The following PRKCB variants were observed in gnomAD, a reference collection of about 807,000 sequenced individuals.
PRKCB encodes the protein protein kinase C beta.
In PRKCB, 13 loss-of-function variants were observed where a neutral mutation model predicts 81.5. The ratio of observed to expected loss-of-function variants is 0.16; its 90% CI spans 0.10 to 0.25. The LOEUF is 0.25. PRKCB is among the 10% of genes least tolerant of loss of function. PRKCB has a pLI of 1.00. For synonymous variants in PRKCB, 335 were observed against 321.4 expected (o/e 1.04, Z -0.45); for missense variants, 509 against 875.7 (o/e 0.58, Z 5.29).
intron 2 of PRKCB, among the ~76,000 whole-genome samples, chr16:23,967,311 C>G (rs893901828): frequency 2.0e-5 from 3 of 152,324 alleles, no homozygotes; most frequent in Non-Finnish European, 4.4e-5. Context: ...TCCCAGCCCC[C>G]TGACAGCAGA....
intron 5 of PRKCB, among the ~76,000 whole-genome samples, chr16:24,076,001 T>C (rs1234838031): frequency 6.6e-6 from 1 of 152,244 alleles, no homozygotes; most frequent in Non-Finnish European, 1.5e-5. Context: ...TGCAGGTTTG[T>C]TACCTATGTA....
At chr16:23,962,006 G>A (rs1335315861) in intron 2 of PRKCB, among the ~76,000 whole-genome samples, 1 of 152,112 alleles carries the variant, frequency 6.6e-6, no homozygotes, top group Admixed American at 6.6e-5. Flanking sequence ...GTCACATGAG[G>A]GGATGGGTAC....
chr16:24,076,674 T>G (rs1464040874), intron 5 of PRKCB, among the ~76,000 whole-genome samples: 1 of 152,188 alleles, frequency 6.6e-6, no homozygotes, highest in East Asian at 1.9e-4. Flanking sequence ...ACGTATTACC[T>G]TGCTACAAGT....
At chr16:23,882,242 G>A (rs117583922) in intron 2 of PRKCB, among the ~76,000 whole-genome samples, 1 of 151,368 alleles carries the variant, frequency 6.6e-6, no homozygotes, top group Non-Finnish European at 1.5e-5. Context: ...ACCATGCCCG[G>A]TTAATTTTTT....
chr16:24,099,220 A>G (rs1567373744), intron 7 of PRKCB: 1 of 152,210 alleles, frequency 6.6e-6, no homozygotes, highest in Non-Finnish European at 1.5e-5. Flanking sequence ...AGAAAAAATA[A>G]AGCTTATTTC....
intron 2 of PRKCB, among the ~76,000 whole-genome samples, chr16:23,905,623 T>A (rs1336988671): frequency 1.3e-5 from 2 of 152,228 alleles, no homozygotes; most frequent in Non-Finnish European, 2.9e-5. Context: ...CCAGAGAGTC[T>A]CCTAGAACCA....
chr16:24,096,716 T>G, intron 7 of PRKCB, among the ~76,000 whole-genome samples: 1 of 138,666 alleles, frequency 7.2e-6, no homozygotes. Flanking sequence ...TCCTCCAATG[T>G]TACCAACAGA....
rs35642171 is a variant in PRKCB at position 24,048,494 on chromosome 16, C to CTT, written c.529+12960_529+12961dup. Among the ~76,000 whole-genome samples the CTT allele has an allele frequency of 2.0e-3, 294 of 145,014 alleles. 3 individuals are homozygous for CTT. The highest frequency in any genetic ancestry group is 8.9e-4 in the Non-Finnish European group (59 of 66,006). On this transcript the variant is annotated intron_variant, in intron 5 of 16. Coordinates refer to ENST00000643927, the MANE Select transcript of PRKCB (RefSeq NM_002738.7). ...TTTACTTCTTTCTTTTCTTTTCTTT[C>CTT]TTTTTTTTTTTTTTATAACAGAGTC... is the stretch of plus-strand genomic sequence containing the variant.
chr16:24,105,610 A>G (rs1966566283), intron 7 of PRKCB, among the ~76,000 whole-genome samples: 1 of 152,036 alleles, frequency 6.6e-6, no homozygotes, highest in African/African-American at 2.4e-5. Context: ...TCAACTTATG[A>G]GTGAGAACAT....
chr16:23,915,129 G>C (rs1358342442), intron 2 of PRKCB, among the ~76,000 whole-genome samples: 1 of 152,158 alleles, frequency 6.6e-6, no homozygotes, highest in Non-Finnish European at 1.5e-5. Flanking sequence ...GTTAGCCCCT[G>C]ATCTCTGGGG....
intron 2 of PRKCB, among the ~76,000 whole-genome samples, chr16:23,918,254 A>G (rs538655799): frequency 6.6e-6 from 1 of 152,252 alleles, no homozygotes; most frequent in South Asian, 2.1e-4. Context: ...AAGACATAGG[A>G]AATAATGGTC....
At chr16:23,896,641 G>A (rs556906837) in intron 2 of PRKCB, among the ~76,000 whole-genome samples, 1 of 152,294 alleles carries the variant, frequency 6.6e-6, no homozygotes, top group Admixed American at 6.5e-5. Context: ...GGCATTAGCT[G>A]TGTGAAGAGA....
At chr16:23,913,088 A>G (rs1223732382) in intron 2 of PRKCB, among the ~76,000 whole-genome samples, 2 of 152,112 alleles carry the variant, frequency 1.3e-5, no homozygotes, top group African/African-American at 4.8e-5. Context: ...GGCAAATCAG[A>G]TTGTTTCACA....
chr16:23,928,970 G>A (rs934035140), intron 2 of PRKCB, among the ~76,000 whole-genome samples: 2 of 152,024 alleles, frequency 1.3e-5, no homozygotes, highest in Non-Finnish European at 2.9e-5. Flanking sequence ...GCCCGCCTCG[G>A]CATCCCAAAG....
At chr16:24,077,434 A>G (rs1428516059) in intron 5 of PRKCB, among the ~76,000 whole-genome samples, 1 of 143,142 alleles carries the variant, frequency 7.0e-6, no homozygotes, top group Non-Finnish European at 1.5e-5. Context: ...CATCCATCCA[A>G]TCCATACATT....
rs149855710 is a variant in PRKCB at position 24,191,290 on chromosome 16, C to A, written c.1863+60C>A. The A allele has an allele frequency of 5.6e-6, 9 of 1,595,294 alleles. No individual in the cohort carries two copies. The East Asian group carries it at 1.8e-4, about 32-fold the overall frequency. On this transcript the variant is annotated intron_variant, in intron 16 of 16. Transcript: ENST00000643927. Reference sequence around the variant, plus strand: ...CACACACAAGGTATTCTTGCCTGTGCCTCATGTTTTCCAAATGCTCCCTGA... The same window carrying A: ...CACACACAAGGTATTCTTGCCTGTGACTCATGTTTTCCAAATGCTCCCTGA...
intron 13 of PRKCB, among the ~76,000 whole-genome samples, chr16:24,184,905 T>C (rs1302066060): frequency 6.6e-6 from 1 of 152,224 alleles, no homozygotes; most frequent in Non-Finnish European, 1.5e-5. Flanking sequence ...ACACCTTACT[T>C]AGTGCTTCGA....
chr16:24,105,147 C>T (rs978338686), intron 7 of PRKCB, among the ~76,000 whole-genome samples: 2 of 151,936 alleles, frequency 1.3e-5, no homozygotes, highest in Non-Finnish European at 2.9e-5. Flanking sequence ...ACCTCTGCCT[C>T]CTGGATTCAA....
At chr16:24,024,593 A>T (rs551459601) in intron 3 of PRKCB, among the ~76,000 whole-genome samples, 2 of 152,346 alleles carry the variant, frequency 1.3e-5, no homozygotes, top group African/African-American at 4.8e-5. Context: ...TACCCCATAA[A>T]TGCATACAAT....
Sources: gnomAD v4.1 joint callset for allele counts (sites outside exome capture counted in the v4.1 genomes callset) on GRCh38, gnomAD v4.1.1 for gene constraint, MANE v1.5 for transcripts, NCBI Gene and HGNC (gene_info 2026-07-23, HGNC 2026-07-21) for gene names.